SPNS1: variants seen among roughly 807,000 people sequenced by gnomAD.
SPNS1 encodes SPNS lysolipid transporter 1, lysophospholipid, also known as protein spinster homolog 1.
In SPNS1, 22 loss-of-function variants were observed where a neutral mutation model predicts 50.3. The observed-to-expected ratio is 0.44, with a 90% CI of 0.31 to 0.62. The LOEUF is 0.62. Among genes scored for constraint, SPNS1 ranks in the 20% least tolerant of loss-of-function variants. The pLI, the probability that SPNS1 is intolerant of heterozygous loss-of-function variation, is 0.07. For missense variants in SPNS1, 576 were observed against 728.6 expected, an observed-to-expected ratio of 0.79 and a Z score of 2.41; for synonymous variants, 295 against 317.4, an observed-to-expected ratio of 0.93 and a Z score of 0.75.
chr16:28,982,820 CT>C, intron 8 of SPNS1, 36 bp from the exon 9 acceptor site: 1 of 1,610,414 alleles, frequency 6.2e-7, no homozygotes. Flanking sequence ...TGTGTTAGCC[CT>C]TACTGTCATG....
At position 28,982,030 on chromosome 16, in the gene SPNS1, C is replaced by T. The variant is rs150686476; in HGVS notation, c.939C>T (p.Pro313=). The change falls in exon 7 of 12, where the codon CCC becomes CCT. Residue 313 remains proline, a synonymous_variant. Transcript: ENST00000311008. The part of the protein sequence containing the change: ...VVLGETPPCL[P]GDSCSSSDSL... ...TTGGGGAGACCCCACCCTGCCTTCC[C>T]GGAGACTCCTGCTCTTCCTCTGACA... The T allele has an allele frequency of 5.9e-5, 95 of 1,614,186 alleles. No homozygotes were observed. The African/African-American group carries it at 9.3e-4, about 16-fold the overall frequency.
At position 28,984,205 on chromosome 16, in the gene SPNS1, G is replaced by T; in HGVS notation, c.1493G>T (p.Gly498Val). Residue 498 changes from glycine to valine, a missense_variant and splice_region_variant, in exon 12 of 12, where the codon GGC becomes GTC. Gly to Val is a moderately radical substitution (Grantham distance 109). Coordinates refer to ENST00000311008, the MANE Select transcript of SPNS1 (RefSeq NM_032038.3). ...CCTGGCTCTGACCCTCCCCCCTCAGGCCTGCTGCACGAAGCAGGGTCCACA... is the reference window on the plus strand; with the variant it reads ...CCTGGCTCTGACCCTCCCCCCTCAGTCCTGCTGCACGAAGCAGGGTCCACA... ...DRRRAQLHVQGLLHEAGSTDD... is the reference protein window; with the variant it reads ...DRRRAQLHVQVLLHEAGSTDD... The T allele has an allele frequency of 6.4e-7, 1 of 1,569,994 alleles. No homozygotes were observed.
chr16:28,976,722 T>C (rs1228626380), intron 2 of SPNS1, among the ~76,000 whole-genome samples: 6 of 152,222 alleles, frequency 3.9e-5, no homozygotes, highest in Non-Finnish European at 8.8e-5. Flanking sequence ...CTGGAGGTAT[T>C]TGAGGTGAAG....
chr16:28,982,609 A>G, intron 8 of SPNS1, 64 bp downstream of exon 8: 30 of 1,512,586 alleles, frequency 2.0e-5, no homozygotes, highest in Non-Finnish European at 2.7e-5. Flanking sequence ...AGTCAGCGTA[A>G]TGGCCACTCG....
At chr16:28,978,586 T>G in intron 3 of SPNS1, 1 of 158,454 alleles carries the variant, frequency 6.3e-6, no homozygotes, top group Middle Eastern at 3.1e-3. Flanking sequence ...GTTGACCCAC[T>G]CTTCCTTCCT....
chr16:28,982,634 G>A (rs1408116602), intron 8 of SPNS1, 89 bp downstream of exon 8: 2 of 1,433,166 alleles, frequency 1.4e-6, no homozygotes, highest in Non-Finnish European at 1.9e-6. Flanking sequence ...GGAATGCCTG[G>A]TTTTGAATCA....
Position 28,983,969 on chromosome 16 carries a change from G to A in SPNS1, c.1492+12G>A. On this transcript the variant is annotated intron_variant, in intron 11 of 11. Coordinates refer to ENST00000311008, the MANE Select transcript of SPNS1 (RefSeq NM_032038.3). This position sits in a 1 kb window ranked among gnomAD's most constrained non-coding sequence, Gnocchi z 5.4. ...GCTGCACGTGCAGGGTCAGTTAGGA[G>A]CTGTGCCCGGCCCAGCTTCTTGATC... 2.6e-6 allele frequency: 4 copies of A among 1,546,598 alleles called. No homozygotes were observed. Among genetic ancestry groups the A allele is most frequent in the South Asian group, 1.2e-5 (1 of 83,844 alleles).
At chr16:28,984,561 C>T (rs910827473), downstream of SPNS1, 10 of 616,262 alleles carry the variant, frequency 1.6e-5, no homozygotes, top group South Asian at 1.1e-4. Context: ...TGCCTGCTCT[C>T]GTCTTTCTCT....
In SPNS1 at chr16:28,981,720, T is replaced by C; in HGVS notation, c.809+105T>C. 1 of 1,532,226 alleles carries C rather than the reference T, an allele frequency of 6.5e-7. No individual in the cohort carries two copies. Among genetic ancestry groups the C allele is most frequent in the African/African-American group, 1.4e-5 (1 of 73,080 alleles). 94.9% of individuals were successfully genotyped at this position (1,532,226 alleles called of 1,614,324 possible). A position where few individuals can be genotyped will look rare whatever the true frequency, so the allele number is the denominator to read the frequency against. ...CCTGGCCACACCCCAAGGCCAGTAA[T>C]TCGGTCGATACTGTCCCCTTGTGGC... On this transcript the variant is annotated intron_variant, in intron 6 of 11. Transcript: ENST00000311008. The surrounding 1 kb of genome is among the most constrained non-coding windows in gnomAD (Gnocchi z 4.2).
Position 28,975,028 on chromosome 16 carries a change from TC to T in SPNS1, c.-120del, listed in dbSNP as rs1046809059. ...TGGTGCTCTGTGCTTCAGGGCAAGC[TC>T]CCCGTCTCCGGGCGCACTTCCCTCG... is the stretch of plus-strand genomic sequence containing the variant. On this transcript the variant is annotated 5_prime_UTR_variant, in exon 1 of 12. Coordinates refer to ENST00000311008, the MANE Select transcript of SPNS1 (RefSeq NM_032038.3). 8.7e-5 allele frequency: 125 copies of T among 1,429,834 alleles called. 1 individual carries two copies. The Middle Eastern group carries it at 2.1e-3, about 25-fold the overall frequency. The allele number at this position is 1,429,834 out of a possible 1,614,324, so 88.6% of individuals were successfully genotyped here.
chr16:28,976,804 A>G (rs989535242), intron 2 of SPNS1, among the ~76,000 whole-genome samples: 5 of 152,220 alleles, frequency 3.3e-5, no homozygotes, highest in Non-Finnish European at 7.3e-5. Flanking sequence ...TTAGAGCAGC[A>G]GCTCTTTCTA....
At chr16:28,984,604 C>T (rs1360439424), downstream of SPNS1, 1 of 611,892 alleles carries the variant, frequency 1.6e-6, no homozygotes, top group Non-Finnish European at 2.9e-6. Context: ...CCGTCTTCAC[C>T]CCAGGGCTCC....
In SPNS1 at chr16:28,975,007, G is replaced by T; in HGVS notation, c.-145G>T. The T allele has an allele frequency of 6.9e-7, 1 of 1,443,988 alleles. No homozygotes were observed. The highest frequency in any genetic ancestry group is 9.1e-7 in the Non-Finnish European group (1 of 1,100,660). The allele number at this position is 1,443,988 out of a possible 1,614,324, so 89.4% of individuals were successfully genotyped here. A position where few individuals can be genotyped will look rare whatever the true frequency, so the allele number is the denominator to read the frequency against. ...AGGGCCCGGGTCCCTTCTCAGTGGT[G>T]CTCTGTGCTTCAGGGCAAGCTCCCC... On this transcript the variant is annotated 5_prime_UTR_variant, in exon 1 of 12. Coordinates refer to ENST00000311008, the MANE Select transcript of SPNS1 (RefSeq NM_032038.3).
At chr16:28,982,189 C>T (rs144321808) in intron 7 of SPNS1, 133 bp downstream of exon 7, 20 of 1,385,496 alleles carry the variant, frequency 1.4e-5, no homozygotes, top group East Asian at 1.2e-4. Flanking sequence ...ATCTCCGTTT[C>T]CTGGTCTGGG....
Position 28,982,870 on chromosome 16 carries a change from T to C in SPNS1, c.1169T>C (p.Ile390Thr), listed in dbSNP as rs1447640539. 5.0e-6 allele frequency: 8 copies of C among 1,613,954 alleles called. No homozygotes were observed. The highest frequency in any genetic ancestry group is 2.2e-5 in the East Asian group (1 of 44,868). ...CTCTTCCCCCAGATTTTCATCTTCA[T>C]TGGAGAGACCCTCCTGTCCATGAAC... ...SIVATYIFIF[I>T]GETLLSMNWA... The change falls in exon 9 of 12, where the codon ATT (isoleucine) becomes ACT (threonine). Residue 390 changes from isoleucine to threonine, a missense_variant. Transcript: ENST00000311008.
Position 28,979,617 on chromosome 16 carries a change from C to G in SPNS1, c.663+146C>G, listed in dbSNP as rs569991674. Reference sequence around the variant, plus strand: ...CCAGGCTGCAGTGCAGTGGTGCAGTCATAGCTCACTGTAGCCTGGAACGCC... The same window carrying G: ...CCAGGCTGCAGTGCAGTGGTGCAGTGATAGCTCACTGTAGCCTGGAACGCC... On this transcript the variant is annotated intron_variant, in intron 5 of 11. Coordinates refer to ENST00000311008, the MANE Select transcript of SPNS1 (RefSeq NM_032038.3). 6 of 807,874 alleles carry G rather than the reference C, an allele frequency of 7.4e-6. 1 individual carries two copies. The Admixed American group carries it at 1.1e-4, about 14-fold the overall frequency. 50.0% of individuals were successfully genotyped at this position (807,874 alleles called of 1,614,324 possible).
chr16:28,979,952 G>C (rs1965484743), intron 5 of SPNS1: 1 of 166,516 alleles, frequency 6.0e-6, no homozygotes, highest in South Asian at 1.4e-4. Flanking sequence ...GAACCCAGGA[G>C]GCGGAGGTTG....
At position 28,983,337 on chromosome 16, in the gene SPNS1, CTGGG is replaced by C; in HGVS notation, c.1320+48_1320+51del. Reference sequence around the variant, plus strand: ...GCATGGGGTGGCTGGTGTCCTGAGCCTGGGCTGGATCAGAAGGCCTGGCCCTAGT... The same window carrying C: ...GCATGGGGTGGCTGGTGTCCTGAGCCCTGGATCAGAAGGCCTGGCCCTAGT... On this transcript the variant is annotated intron_variant, in intron 10 of 11. Coordinates refer to ENST00000311008, the MANE Select transcript of SPNS1 (RefSeq NM_032038.3). The surrounding 1 kb of genome is among the most constrained non-coding windows in gnomAD (Gnocchi z 5.4). 1 of 1,504,248 alleles carries C rather than the reference CTGGG, an allele frequency of 6.6e-7. No homozygotes were observed. Among genetic ancestry groups the C allele is most frequent in the Non-Finnish European group, 9.3e-7 (1 of 1,080,066 alleles). The allele number at this position is 1,504,248 out of a possible 1,614,324, so 93.2% of individuals were successfully genotyped here. A position where few individuals can be genotyped will look rare whatever the true frequency, so the allele number is the denominator to read the frequency against.
At position 28,983,148 on chromosome 16, in the gene SPNS1, C is replaced by A; in HGVS notation, c.1222-44C>A. ...CTCCTGGCCCCCTGCCTCCTGCCCCCTGGAGCCCAGAGCATCCACTGAGCT... is the reference window on the plus strand; with the variant it reads ...CTCCTGGCCCCCTGCCTCCTGCCCCATGGAGCCCAGAGCATCCACTGAGCT... On this transcript the variant is annotated intron_variant, in intron 9 of 11. Coordinates refer to ENST00000311008, the MANE Select transcript of SPNS1 (RefSeq NM_032038.3). The surrounding 1 kb of genome is among the most constrained non-coding windows in gnomAD (Gnocchi z 5.4). 1 of 1,502,036 alleles carries A rather than the reference C, an allele frequency of 6.7e-7. No homozygotes were observed. The highest frequency in any genetic ancestry group is 9.3e-7 in the Non-Finnish European group (1 of 1,079,612). The allele number at this position is 1,502,036 out of a possible 1,614,324, so 93.0% of individuals were successfully genotyped here.
Sources: gnomAD v4.1 joint callset for allele counts (sites outside exome capture counted in the v4.1 genomes callset) on GRCh38, gnomAD v4.1.1 for gene constraint, Gnocchi (gnomAD v3.1) non-coding constraint, MANE v1.5 for transcripts, NCBI Gene and HGNC (gene_info 2026-07-23, HGNC 2026-07-21) for gene names.